The following KCNU1 variants were observed in gnomAD, a reference collection of about 807,000 sequenced individuals.
KCNU1 encodes potassium channel subfamily U member 1.
A neutral mutation model predicts 126.8 loss-of-function variants in KCNU1; 93 were observed. The ratio of observed to expected loss-of-function variants is 0.73; its 90% CI spans 0.62 to 0.87. KCNU1 has a LOEUF of 0.87. KCNU1 is among the 40% of genes least tolerant of loss of function. KCNU1 has a pLI of 0.00. For missense variants in KCNU1, 1,330 were observed against 1,367.1 expected (o/e 0.97, Z 0.43); for synonymous variants, 523 against 494.2 (o/e 1.06, Z -0.77).
chr8:36,920,742 A>ATG (rs1491098462), intron 23 of KCNU1, among the ~76,000 whole-genome samples: 1 of 152,110 alleles, frequency 6.6e-6, no homozygotes, highest in Non-Finnish European at 1.5e-5. Flanking sequence ...GCACGTGCGC[A>ATG]TGTGTGTGTG....
At chr8:36,809,692 G>C (rs1803637694) in intron 7 of KCNU1, among the ~76,000 whole-genome samples, 1 of 152,142 alleles carries the variant, frequency 6.6e-6, no homozygotes, top group African/African-American at 2.4e-5. Context: ...GAACCTTAGA[G>C]TCCTGGGCCC....
At chr8:36,922,041 G>A (rs984066426) in intron 23 of KCNU1, among the ~76,000 whole-genome samples, 4 of 152,144 alleles carry the variant, frequency 2.6e-5, no homozygotes, top group Admixed American at 2.6e-4. Context: ...AGTGACTCTA[G>A]GAACCCAAGT....
intron 18 of KCNU1, among the ~76,000 whole-genome samples, chr8:36,846,653 T>G (rs560921157): frequency 6.6e-6 from 1 of 151,960 alleles, no homozygotes; most frequent in Non-Finnish European, 1.5e-5. Context: ...AATACAAAAA[T>G]TAGCTGGGCG....
chr8:36,927,880 T>A (rs1808579783), intron 24 of KCNU1, among the ~76,000 whole-genome samples: 1 of 151,300 alleles, frequency 6.6e-6, no homozygotes, highest in South Asian at 2.1e-4. Context: ...CAGATTTTCT[T>A]GTGAAAGACA....
rs147241646 is a variant in KCNU1 at position 36,869,643 on chromosome 8, A to G, written c.2009+5122A>G. Among the ~76,000 whole-genome samples, 370 of 152,294 alleles carry G rather than the reference A, an allele frequency of 2.4e-3. 3 individuals are homozygous for G. Among genetic ancestry groups the G allele is most frequent in the African/African-American group, 7.7e-3 (319 of 41,578 alleles). ...CTCCAGATCGCCATCTTCTTAGCTTATAAGCTTCAGTTTTCTCATCTGTAA... is the reference window on the plus strand; with the variant it reads ...CTCCAGATCGCCATCTTCTTAGCTTGTAAGCTTCAGTTTTCTCATCTGTAA... On this transcript the variant is annotated intron_variant, in intron 19 of 26. Transcript: ENST00000399881.
chr8:36,842,722 G>A (rs1805001909), intron 16 of KCNU1, among the ~76,000 whole-genome samples: 3 of 152,172 alleles, frequency 2.0e-5, no homozygotes, highest in Admixed American at 2.0e-4. Flanking sequence ...CCAGGCTGGA[G>A]TGCAATGGCA....
chr8:36,878,636 G>T (rs1157919896), intron 19 of KCNU1, among the ~76,000 whole-genome samples: 1 of 152,044 alleles, frequency 6.6e-6, no homozygotes, highest in Non-Finnish European at 1.5e-5. Context: ...AGTTCTCAAA[G>T]AAGTAAAGGA....
At chr8:36,902,546 C>G (rs1807459932) in intron 19 of KCNU1, among the ~76,000 whole-genome samples, 1 of 152,094 alleles carries the variant, frequency 6.6e-6, no homozygotes, top group Non-Finnish European at 1.5e-5. Flanking sequence ...GGTAACATAG[C>G]TATTTCCAAA....
intron 2 of KCNU1, among the ~76,000 whole-genome samples, chr8:36,797,749 C>T (rs182112462): frequency 9.2e-5 from 14 of 151,944 alleles, no homozygotes; most frequent in Admixed American, 8.5e-4. Flanking sequence ...TACAAGTAAA[C>T]AACAATGTGG....
In KCNU1 at chr8:36,817,813, T is replaced by G. The variant is rs947740749; in HGVS notation, c.1106+53T>G. 4.5e-5 allele frequency: 39 copies of G among 869,354 alleles called. 1 individual carries two copies. In the African/African-American group the frequency reaches 5.8e-4, roughly 13 times the overall value. The allele number at this position is 869,354 out of a possible 1,614,324, so 53.9% of individuals were successfully genotyped here. On this transcript the variant is annotated intron_variant, in intron 10 of 26. Transcript: ENST00000399881. ...TCTAAATTAATACTTAAAATACGTG[T>G]GAATATTTTTAATGCAAGAAAATTA...
At chr8:36,784,634 T>C (rs757726777) in intron 1 of KCNU1, 29 bp downstream of exon 1, 30 of 1,540,448 alleles carry the variant, frequency 1.9e-5, no homozygotes, top group Non-Finnish European at 2.0e-5. Context: ...GATCCCTCTG[T>C]GTGAAGTCAG....
chr8:36,837,933 G>A (rs184646321), intron 14 of KCNU1, among the ~76,000 whole-genome samples: 1 of 152,114 alleles, frequency 6.6e-6, no homozygotes, highest in Non-Finnish European at 1.5e-5. Context: ...TCTGTGTTCA[G>A]TACAAATATT....
In KCNU1 at chr8:36,931,122, G is replaced by A. The variant is rs1418544947; in HGVS notation, c.2908G>A (p.Glu970Lys). The change falls in exon 25 of 27, where the codon GAA becomes AAA. Residue 970 changes from glutamate to lysine, a missense_variant. Glu to Lys is a moderately conservative substitution (Grantham distance 56). Transcript: ENST00000399881. ...TAAGCTGGGGCTTCTGTCCTTACAC[G>A]AAACCATTTTATCAGACGTTAATGT... ...RCKLGLLSLH[E>K]TILSDVNPRN... is the part of the protein sequence containing the mutation. The A allele has an allele frequency of 9.3e-6, 15 of 1,607,488 alleles. No homozygotes were observed. The highest frequency in any genetic ancestry group is 2.2e-5 in the East Asian group (1 of 44,630).
intron 19 of KCNU1, among the ~76,000 whole-genome samples, chr8:36,882,471 C>G (rs895462957): frequency 6.6e-6 from 1 of 152,214 alleles, no homozygotes; most frequent in African/African-American, 2.4e-5. Flanking sequence ...ATACCTCTTG[C>G]CCCTTCTCTG....
At chr8:36,876,384 A>G (rs1806279291) in intron 19 of KCNU1, among the ~76,000 whole-genome samples, 1 of 152,174 alleles carries the variant, frequency 6.6e-6, no homozygotes, top group Non-Finnish European at 1.5e-5. Context: ...TCAAAGTCAA[A>G]GAGCTATGTC....
intron 10 of KCNU1, 32 bp downstream of exon 10, chr8:36,817,792 A>C: frequency 9.7e-7 from 1 of 1,031,906 alleles, no homozygotes; most frequent in South Asian, 1.3e-5. Flanking sequence ...ATGGGTTCTA[A>C]ATTAATACTT....
intron 10 of KCNU1, among the ~76,000 whole-genome samples, chr8:36,831,922 G>A (rs1165004967): frequency 1.3e-5 from 2 of 152,160 alleles, no homozygotes; most frequent in Admixed American, 1.3e-4. Flanking sequence ...AATCCGTCTT[G>A]AATTGATTTT....
At chr8:36,922,681 G>C in intron 24 of KCNU1, 52 bp downstream of exon 24, 1 of 1,580,344 alleles carries the variant, frequency 6.3e-7, no homozygotes, top group Non-Finnish European at 8.6e-7. Flanking sequence ...CTGCAGAGAA[G>C]TGAACAGGTA....
chr8:36,840,514 A>G lies in KCNU1; in HGVS notation c.1570A>G (p.Lys524Glu). The change falls in exon 15 of 27, where the codon AAA (lysine) becomes GAA (glutamate). Residue 524 changes from lysine to glutamate, a missense_variant. Lys to Glu is a moderately conservative substitution (Grantham distance 56). Transcript: ENST00000399881. ...ACACTTCTTGAATAGCATGAAAAAC[A>G]AAATTCTGACCCAACGTCTCTCTGA... ...KKHFLNSMKN[K>E]ILTQRLSDDF... 1 of 1,613,120 alleles carries G rather than the reference A, an allele frequency of 6.2e-7. No individual in the cohort carries two copies. Among genetic ancestry groups the G allele is most frequent in the South Asian group, 1.1e-5 (1 of 90,932 alleles).
Sources: gnomAD v4.1 joint callset for allele counts (sites outside exome capture counted in the v4.1 genomes callset) on GRCh38, gnomAD v4.1.1 for gene constraint, MANE v1.5 for transcripts, NCBI Gene and HGNC (gene_info 2026-07-23, HGNC 2026-07-21) for gene names.